BCR: variants seen among roughly 807,000 people sequenced by gnomAD.
BCR encodes breakpoint cluster region protein.
In BCR, 58 loss-of-function variants were observed where a neutral mutation model predicts 138.6. The ratio of observed to expected loss-of-function variants is 0.42; its 90% confidence interval spans 0.34 to 0.52. The LOEUF is 0.52. Ranked by LOEUF, BCR falls within the 20% of genes least tolerant of loss-of-function variation. BCR has a pLI of 0.06. For missense variants in BCR, 1,599 were observed against 1,727.2 expected (o/e 0.93, Z 1.32); for synonymous variants, 786 against 730.1 (o/e 1.08, Z -1.23).
chr22:23,311,403 A>G (rs1207518261), intron 18 of BCR, among the ~76,000 whole-genome samples: 4 of 151,670 alleles, frequency 2.6e-5, no homozygotes, highest in East Asian at 2.0e-4. Context: ...AATCTGTCAG[A>G]TGCCCTTCCC....
chr22:23,292,657 A>G lies in BCR; in HGVS notation c.2880+19A>G, dbSNP rs770772943. On this transcript the variant is annotated intron_variant, in intron 15 of 22. Transcript: ENST00000305877. ...GAACGAGGTGAGGAACTGATTCCACAAGGGCCCAGCCTGCCAGGTGGGGCA... is the reference window on the plus strand; with the variant it reads ...GAACGAGGTGAGGAACTGATTCCACGAGGGCCCAGCCTGCCAGGTGGGGCA... The G allele has an allele frequency of 1.9e-6, 3 of 1,591,606 alleles. No individual in the cohort carries two copies. Among genetic ancestry groups the G allele is most frequent in the East Asian group, 4.5e-5 (2 of 44,600 alleles).
chr22:23,215,387 G>A (rs1393239841), intron 1 of BCR, among the ~76,000 whole-genome samples: 1 of 152,188 alleles, frequency 6.6e-6, no homozygotes, highest in Admixed American at 6.5e-5. Context: ...TGGGAGAGGG[G>A]AGAACCTTCC....
intron 1 of BCR, among the ~76,000 whole-genome samples, chr22:23,217,284 T>C (rs2072765887): frequency 6.6e-6 from 1 of 152,244 alleles, no homozygotes; most frequent in Admixed American, 6.5e-5. Context: ...TCAAGATTGC[T>C]GGGGTGTCAG....
In BCR at chr22:23,249,051, C is replaced by T. The variant is rs748000352; in HGVS notation, c.1280-4748C>T. The stretch of plus-strand genomic sequence containing the variant: ...CTATAATCCCAGCACTTTGGGAGGC[C>T]GAGGCAGGAGGGTTGCTTGAGGCCA... On this transcript the variant is annotated intron_variant, in intron 1 of 22. Transcript: ENST00000305877. Among the ~76,000 whole-genome samples the T allele has an allele frequency of 6.6e-5, 10 of 152,140 alleles. No individual in the cohort carries two copies. The East Asian group carries it at 1.4e-3, about 21-fold the overall frequency.
intron 4 of BCR, chr22:23,263,891 C>T (rs2073403444): frequency 1.0e-6 from 1 of 964,038 alleles, no homozygotes; most frequent in South Asian, 1.3e-5. Context: ...CATTACTCAG[C>T]TCTTTTGTGA....
chr22:23,268,599 G>A, intron 5 of BCR, 84 bp downstream of exon 5: 2 of 1,183,116 alleles, frequency 1.7e-6, no homozygotes, highest in African/African-American at 1.5e-5. Flanking sequence ...GAGTGCACCA[G>A]ATCAAGATCT....
chr22:23,288,580 A>G (rs1242101115), intron 12 of BCR, among the ~76,000 whole-genome samples: 1 of 123,662 alleles, frequency 8.1e-6, no homozygotes, highest in African/African-American at 3.2e-5. Context: ...GGCCTCCCCC[A>G]TTTCTCCTCA....
Position 23,261,084 on chromosome 22 carries a change from C to T in BCR, c.1566+30C>T, listed in dbSNP as rs776136533. 1.1e-5 allele frequency: 17 copies of T among 1,590,224 alleles called. 1 individual carries two copies. The highest frequency in any genetic ancestry group is 3.3e-5 in the South Asian group (3 of 90,314). ...GGAGGATTTAGGGAGCTGAGCAGGG[C>T]GGGATGGGGCAGGGTGACAGGGTTG... On this transcript the variant is annotated intron_variant, in intron 3 of 22. Coordinates refer to ENST00000305877, the MANE Select transcript of BCR (RefSeq NM_004327.4).
At chr22:23,305,070 C>T (rs1430541185) in intron 16 of BCR, among the ~76,000 whole-genome samples, 6 of 151,106 alleles carry the variant, frequency 4.0e-5, no homozygotes, top group South Asian at 2.1e-4. Flanking sequence ...GCCGAGATCT[C>T]GCCACTGCAC....
chr22:23,215,702 G>C (rs1452578280), intron 1 of BCR, among the ~76,000 whole-genome samples: 1 of 152,168 alleles, frequency 6.6e-6, no homozygotes, highest in Non-Finnish European at 1.5e-5. Context: ...GGTAGGACAG[G>C]GACCCCGCTT....
At chr22:23,282,716 T>TG (rs1304702353) in intron 8 of BCR, among the ~76,000 whole-genome samples, 1 of 152,176 alleles carries the variant, frequency 6.6e-6, no homozygotes, top group Non-Finnish European at 1.5e-5. Context: ...TGAGGACAGG[T>TG]GCACCGCCTG....
At chr22:23,229,795 G>A (rs767515715) in intron 1 of BCR, among the ~76,000 whole-genome samples, 2 of 152,208 alleles carry the variant, frequency 1.3e-5, no homozygotes, top group Non-Finnish European at 2.9e-5. Context: ...TTAGAAGGCA[G>A]TTCCCCCCTG....
At chr22:23,243,806 C>A (rs889691111) in intron 1 of BCR, among the ~76,000 whole-genome samples, 1 of 151,976 alleles carries the variant, frequency 6.6e-6, no homozygotes, top group Non-Finnish European at 1.5e-5. Flanking sequence ...CCACGCCCAG[C>A]TAATTTTTGT....
chr22:23,270,508 C>T (rs1296787218), intron 5 of BCR, among the ~76,000 whole-genome samples: 1 of 152,140 alleles, frequency 6.6e-6, no homozygotes, highest in Non-Finnish European at 1.5e-5. Context: ...TTGTTTGGCT[C>T]TCCCACCCCC....
intron 1 of BCR, among the ~76,000 whole-genome samples, chr22:23,243,815 G>A (rs1348051979): frequency 6.6e-6 from 1 of 151,936 alleles, no homozygotes; most frequent in African/African-American, 2.4e-5. Context: ...GCTAATTTTT[G>A]TGTTTTTAGT....
At chr22:23,268,723 C>T (rs773892616) in intron 5 of BCR, among the ~76,000 whole-genome samples, 6 of 152,176 alleles carry the variant, frequency 3.9e-5, no homozygotes, top group Admixed American at 2.0e-4. Flanking sequence ...CCTGCCTCCC[C>T]GGGGGCGAGG....
chr22:23,289,562 C>A lies in BCR; in HGVS notation c.2648C>A (p.Thr883Asn), dbSNP rs760174921. The A allele has an allele frequency of 6.2e-7, 1 of 1,614,246 alleles. No individual in the cohort carries two copies. The highest frequency in any genetic ancestry group is 1.7e-5 in the Admixed American group (1 of 60,032). The change falls in exon 13 of 23, where the codon ACC (threonine) becomes AAC (asparagine). Residue 883 changes from threonine (T) to asparagine (N), a missense_variant. Thr to Asn is a moderately conservative substitution (Grantham distance 65). Coordinates refer to ENST00000305877, the MANE Select transcript of BCR (RefSeq NM_004327.4). Reference protein sequence around the residue: ...SLTSVELQMLTNSCVKLQTVH... With the variant: ...SLTSVELQMLNNSCVKLQTVH... ...ACATCCGTGGAGCTGCAGATGCTGACCAACTCGTGTGTGAAACTCCAGACT... is the reference window on the plus strand; with the variant it reads ...ACATCCGTGGAGCTGCAGATGCTGAACAACTCGTGTGTGAAACTCCAGACT...
intron 1 of BCR, among the ~76,000 whole-genome samples, chr22:23,211,864 C>T (rs1030155601): frequency 6.6e-6 from 1 of 152,144 alleles, no homozygotes; most frequent in African/African-American, 2.4e-5. Flanking sequence ...GAGCTGTTCT[C>T]ACTCAGTTTG....
At chr22:23,283,530 C>T (rs1399691313) in intron 8 of BCR, 1 of 166,762 alleles carries the variant, frequency 6.0e-6, no homozygotes. Flanking sequence ...ACAGAAATAC[C>T]TGCTCCTGGC....
Sources: allele counts gnomAD v4.1 joint callset (sites outside exome capture counted in the v4.1 genomes callset), GRCh38; gene constraint gnomAD v4.1.1; transcripts MANE v1.5; gene names NCBI Gene and HGNC (gene_info 2026-07-23, HGNC 2026-07-21).